MTFR1: variants seen among roughly 807,000 people sequenced by gnomAD.
MTFR1 encodes the protein mitochondrial fission regulator 1.
Under a neutral mutation model 38.8 loss-of-function variants are expected in MTFR1, and 28 were observed. The observed-to-expected ratio is 0.72, with a 90% CI of 0.53 to 0.99. MTFR1 has a LOEUF of 0.99. Ranked by LOEUF, MTFR1 falls within the 50% of genes least tolerant of loss-of-function variation. The pLI is 0.00. For synonymous variants in MTFR1, 145 were observed against 137.0 expected (o/e 1.06, Z -0.41); for missense variants, 358 against 395.5 (o/e 0.91, Z 0.81).
At position 65,730,171 on chromosome 8, in the gene MTFR1, C is replaced by CTTCTTTTTTTTTTTTTTTT. The variant is rs1295965698; in HGVS notation, c.*48+10692_*48+10693insCTTTTTTTTTTTTTTTTTT. Among the ~76,000 whole-genome samples, 97 of 86,446 alleles carry CTTCTTTTTTTTTTTTTTTT rather than the reference C, an allele frequency of 1.1e-3. 22 individuals carry two copies. Among genetic ancestry groups the CTTCTTTTTTTTTTTTTTTT allele is most frequent in the African/African-American group, 4.2e-3 (88 of 20,936 alleles). 56.7% of individuals were successfully genotyped at this position (86,446 alleles called of 152,430 possible). ...TGTGAGGGATCCAGGTTGCGCACTT[C>CTTCTTTTTTTTTTTTTTTT]TTTTTTTTTTTTTTTTTTTTTTTTT... On this transcript the variant is annotated intron_variant, in intron 3 of 3. Coordinates refer to the MTFR1 transcript ENST00000521247.
chr8:65,657,558 G>A (rs1809302080), intron 1 of MTFR1, among the ~76,000 whole-genome samples: 1 of 152,066 alleles, frequency 6.6e-6, no homozygotes, highest in South Asian at 2.1e-4. Flanking sequence ...TAAAAAAATA[G>A]CCAGGCATGG....
intron 2 of MTFR1, among the ~76,000 whole-genome samples, chr8:65,675,666 A>T (rs1804691395): frequency 2.0e-5 from 3 of 152,240 alleles, no homozygotes; most frequent in African/African-American, 7.2e-5. Flanking sequence ...TAGGCTCATG[A>T]AGCAGATAAT....
At chr8:65,681,976 A>C (rs1403709459) in intron 2 of MTFR1, 1 of 154,612 alleles carries the variant, frequency 6.5e-6, no homozygotes, top group Non-Finnish European at 1.5e-5. Flanking sequence ...ATTTAATAAA[A>C]ACTATGTATA....
intron 3 of MTFR1, among the ~76,000 whole-genome samples, chr8:65,738,054 A>C (rs1001296330): frequency 6.6e-6 from 1 of 152,208 alleles, no homozygotes; most frequent in African/African-American, 2.4e-5. Context: ...AATAAAGTGA[A>C]TATTGCAATA....
downstream of MTFR1, among the ~76,000 whole-genome samples, chr8:65,715,064 A>G (rs1806077424): frequency 6.6e-6 from 1 of 152,162 alleles, no homozygotes; most frequent in African/African-American, 2.4e-5. Context: ...TGAAATGTTG[A>G]GCCAAGAGGC....
At chr8:65,727,002 A>G (rs1016908874) in intron 3 of MTFR1, 4 of 1,203,268 alleles carry the variant, frequency 3.3e-6, no homozygotes, top group Non-Finnish European at 4.9e-6. Context: ...ACTTAATGAT[A>G]CGTCTCTTTC....
chr8:65,662,887 G>A (rs1417836002), intron 1 of MTFR1, among the ~76,000 whole-genome samples: 3 of 149,392 alleles, frequency 2.0e-5, no homozygotes, highest in Admixed American at 2.0e-4. Flanking sequence ...CCGGCCAGCC[G>A]CCCCGTCCTG....
In MTFR1 at chr8:65,748,097, G is replaced by GTT. The variant is rs199665356; in HGVS notation, c.*49-22840_*49-22839dup. 2.9e-4 allele frequency among the ~76,000 whole-genome samples: 42 copies of GTT among 142,608 alleles called. 1 individual carries two copies. The South Asian group carries it at 7.5e-3, about 26-fold the overall frequency. The allele number at this position is 142,608 out of a possible 152,430, so 93.6% of individuals were successfully genotyped here. ...CTGGTGGGATTAATAATCACGGTTT[G>GTT]TTTTTTTTTTTAACTTTAAAATACT... On this transcript the variant is annotated intron_variant, in intron 3 of 3. Coordinates refer to the MTFR1 transcript ENST00000521247.
chr8:65,769,624 G>T (rs1003727370), intron 3 of MTFR1, among the ~76,000 whole-genome samples: 1 of 152,128 alleles, frequency 6.6e-6, no homozygotes, highest in Admixed American at 6.5e-5. Flanking sequence ...GACTGGGTGC[G>T]GTAGCTCATA....
intron 1 of MTFR1, among the ~76,000 whole-genome samples, chr8:65,649,983 C>T (rs1368199666): frequency 3.3e-5 from 5 of 151,942 alleles, no homozygotes; most frequent in African/African-American, 9.7e-5. Context: ...GGGTTACAGG[C>T]GCCCACCACC....
At chr8:65,732,752 A>T (rs1271420605) in intron 3 of MTFR1, among the ~76,000 whole-genome samples, 1 of 152,194 alleles carries the variant, frequency 6.6e-6, no homozygotes, top group Non-Finnish European at 1.5e-5. Context: ...GCTTCAAGTG[A>T]TCCTCTTGCC....
chr8:65,735,966 T>C (rs890410528), intron 3 of MTFR1, among the ~76,000 whole-genome samples: 11 of 152,096 alleles, frequency 7.2e-5, no homozygotes, highest in Non-Finnish European at 1.5e-4. Context: ...AGTAGTCCCC[T>C]CATATTCTTG....
At chr8:65,762,656 TA>T (rs1223703626) in intron 3 of MTFR1, among the ~76,000 whole-genome samples, 5 of 152,220 alleles carry the variant, frequency 3.3e-5, no homozygotes, top group African/African-American at 4.8e-5. Flanking sequence ...AAAAAGCACT[TA>T]AAATTAATAG....
intron 3 of MTFR1, among the ~76,000 whole-genome samples, chr8:65,684,646 A>G (rs770702424): frequency 6.6e-5 from 10 of 151,606 alleles, no homozygotes; most frequent in African/African-American, 1.2e-4. Context: ...CAGGCTCCCA[A>G]AGTGCTGGGA....
At chr8:65,732,687 A>AT (rs935721560) in intron 3 of MTFR1, among the ~76,000 whole-genome samples, 1 of 152,044 alleles carries the variant, frequency 6.6e-6, no homozygotes, top group Admixed American at 6.6e-5. Context: ...CTAACTTTTT[A>AT]TTTTTTGTAG....
intron 3 of MTFR1, among the ~76,000 whole-genome samples, chr8:65,721,532 G>A (rs900114723): frequency 6.6e-6 from 1 of 152,142 alleles, no homozygotes; most frequent in African/African-American, 2.4e-5. Flanking sequence ...GTCAGCAGAT[G>A]TCAACAATCA....
At chr8:65,759,638 G>T (rs546281629) in intron 3 of MTFR1, among the ~76,000 whole-genome samples, 23 of 152,286 alleles carry the variant, frequency 1.5e-4, no homozygotes, top group African/African-American at 5.5e-4. Context: ...TTGGGTAGTT[G>T]TTTCAGTGGA....
At chr8:65,653,807 G>A (rs747423845) in intron 1 of MTFR1, among the ~76,000 whole-genome samples, 60 of 152,122 alleles carry the variant, frequency 3.9e-4, no homozygotes, top group Non-Finnish European at 7.5e-4. Context: ...GCTCATGCCT[G>A]TAATCCCAGC....
chr8:65,758,190 C>G (rs775913435), intron 3 of MTFR1, among the ~76,000 whole-genome samples: 1 of 152,174 alleles, frequency 6.6e-6, no homozygotes, highest in African/African-American at 2.4e-5. Flanking sequence ...ATTTTTACCA[C>G]TAGGCAATAA....
Sources: allele counts gnomAD v4.1 joint callset (sites outside exome capture counted in the v4.1 genomes callset), GRCh38; gene constraint gnomAD v4.1.1; transcripts MANE v1.5; gene names NCBI Gene and HGNC (gene_info 2026-07-23, HGNC 2026-07-21).